Variants in TMPRSS5 observed in about 807,000 individuals in gnomAD.
TMPRSS5 encodes transmembrane protease serine 5.
TMPRSS5 carries 45 observed loss-of-function variants against 59.7 expected under a neutral mutation model. That is an observed-to-expected ratio of 0.75 (90% CI 0.59 to 0.97). TMPRSS5 has a LOEUF of 0.97. Ranked by LOEUF, TMPRSS5 falls within the 50% of genes least tolerant of loss-of-function variation. The pLI is 0.00. For synonymous variants in TMPRSS5, 225 were observed against 232.0 expected (o/e 0.97, Z 0.27); for missense variants, 585 against 596.7 (o/e 0.98, Z 0.20).
chr11:113,690,126 C>T, intron 11 of TMPRSS5, 105 bp downstream of exon 11: 1 of 1,437,288 alleles, frequency 7.0e-7, no homozygotes, highest in Non-Finnish European at 9.3e-7. Context: ...TGTCTCACAC[C>T]ACTGACAAGC....
At chr11:113,690,165 G>T in intron 11 of TMPRSS5, 66 bp downstream of exon 11, 1 of 1,407,278 alleles carries the variant, frequency 7.1e-7, no homozygotes, top group Non-Finnish European at 9.5e-7. Flanking sequence ...CCAAGTCACA[G>T]CAGGCCCCCT....
intron 11 of TMPRSS5, 55 bp downstream of exon 11, chr11:113,690,176 G>GGCCCACCC: frequency 2.6e-6 from 1 of 388,226 alleles, no homozygotes; most frequent in Non-Finnish European, 4.2e-6. Context: ...CAGGCCCCCT[G>GGCCCACCC]CCCTCCCACC....
At chr11:113,695,089 T>C (rs1038927654) in intron 7 of TMPRSS5, among the ~76,000 whole-genome samples, 2 of 152,128 alleles carry the variant, frequency 1.3e-5, no homozygotes, top group Non-Finnish European at 2.9e-5. Context: ...CAATAATAAT[T>C]TCACCTCTGG....
chr11:113,690,174 C>CCGGGGG, intron 11 of TMPRSS5, 57 bp downstream of exon 11: 1 of 770,516 alleles, frequency 1.3e-6, no homozygotes, highest in Non-Finnish European at 2.1e-6. Context: ...AGCAGGCCCC[C>CCGGGGG]TGCCCTCCCA....
intron 4 of TMPRSS5, among the ~76,000 whole-genome samples, chr11:113,697,957 C>G (rs965013014): frequency 6.6e-6 from 1 of 152,120 alleles, no homozygotes; most frequent in African/African-American, 2.4e-5. Context: ...GGAGACAGGG[C>G]CTTTAAGAAG....
At chr11:113,692,659 C>T (rs1425153223) in intron 9 of TMPRSS5, among the ~76,000 whole-genome samples, 1 of 152,206 alleles carries the variant, frequency 6.6e-6, no homozygotes, top group Non-Finnish European at 1.5e-5. Context: ...CTACCTGTTT[C>T]AACTATCTAT....
intron 1 of TMPRSS5, among the ~76,000 whole-genome samples, chr11:113,703,857 C>G (rs1437358218): frequency 2.0e-5 from 3 of 152,226 alleles, no homozygotes; most frequent in Non-Finnish European, 2.9e-5. Flanking sequence ...CTTCCCCAGC[C>G]ATGCAGAACT....
At position 113,687,789 on chromosome 11, in the gene TMPRSS5, CT is replaced by C. The variant is rs1355368377; in HGVS notation, c.*470del. 1.3e-5 allele frequency: 2 copies of C among 154,328 alleles called. No homozygotes were observed. The highest frequency in any genetic ancestry group is 2.9e-5 in the Non-Finnish European group (2 of 69,642). The allele number at this position is 154,328 out of a possible 1,614,324, so 9.6% of individuals were successfully genotyped here. A position where few individuals can be genotyped will look rare whatever the true frequency, so the allele number is the denominator to read the frequency against. On this transcript the variant is annotated 3_prime_UTR_variant, in exon 13 of 13. Coordinates refer to ENST00000299882, the MANE Select transcript of TMPRSS5 (RefSeq NM_030770.4). ...GCCTTGACCCCATCTGCCCAGGAGC[CT>C]CTCAGCCATGGAGTCCTCTAGGGAG...
chr11:113,703,938 C>G (rs1953211452), intron 1 of TMPRSS5, among the ~76,000 whole-genome samples: 1 of 152,176 alleles, frequency 6.6e-6, no homozygotes, highest in Non-Finnish European at 1.5e-5. Flanking sequence ...AGTGTGAGAA[C>G]AGACTAATAC....
chr11:113,700,363 C>T (rs948153282), intron 1 of TMPRSS5, among the ~76,000 whole-genome samples, 195 bp from the exon 2 acceptor site: 1 of 152,200 alleles, frequency 6.6e-6, no homozygotes, highest in African/African-American at 2.4e-5. Context: ...TCCTGGGGCC[C>T]CTAACCCCAA....
intron 1 of TMPRSS5, among the ~76,000 whole-genome samples, chr11:113,704,264 C>T (rs758059332): frequency 6.6e-6 from 1 of 152,188 alleles, no homozygotes; most frequent in African/African-American, 2.4e-5. Flanking sequence ...ACTTGGACAA[C>T]TCAGGCCATC....
rs1458879960 is a variant in TMPRSS5, at chr11:113,688,008, A to C, written c.*252T>G. The C allele has an allele frequency of 2.2e-6, 1 of 460,990 alleles. No individual in the cohort carries two copies. Among genetic ancestry groups the C allele is most frequent in the African/African-American group, 2.0e-5 (1 of 49,570 alleles). The allele number at this position is 460,990 out of a possible 1,614,324, so 28.6% of individuals were successfully genotyped here. ...ATCCCTCAGCAACCACAGCATGCCCAACCAAGTCCCAGCCTCTCTTCTGTC... is the reference window on the plus strand; with the variant it reads ...ATCCCTCAGCAACCACAGCATGCCCCACCAAGTCCCAGCCTCTCTTCTGTC... On this transcript the variant is annotated 3_prime_UTR_variant, in exon 13 of 13. Transcript: ENST00000299882.
chr11:113,694,418 C>T lies in TMPRSS5; in HGVS notation c.785+60G>A. On this transcript the variant is annotated intron_variant, in intron 8 of 12. Coordinates refer to ENST00000299882, the MANE Select transcript of TMPRSS5 (RefSeq NM_030770.4). ...CACGAACATTTGATACAGGACATACCAACAGCCGAACAGAAAGGGCAACTG... is the reference window on the plus strand; with the variant it reads ...CACGAACATTTGATACAGGACATACTAACAGCCGAACAGAAAGGGCAACTG... 3.3e-6 allele frequency: 5 copies of T among 1,532,222 alleles called. No homozygotes were observed. In the East Asian group the frequency reaches 1.2e-4, roughly 38 times the overall value. The allele number at this position is 1,532,222 out of a possible 1,614,324, so 94.9% of individuals were successfully genotyped here.
At chr11:113,690,967 C>T (rs1182046341) in intron 9 of TMPRSS5, 28 bp from the exon 10 acceptor site, 1 of 1,556,542 alleles carries the variant, frequency 6.4e-7, no homozygotes, top group Non-Finnish European at 8.7e-7. Context: ...GTCCTGGTCC[C>T]CAGTCAGGCT....
intron 1 of TMPRSS5, among the ~76,000 whole-genome samples, chr11:113,701,178 T>C (rs986388329): frequency 4.6e-5 from 7 of 152,230 alleles, no homozygotes; most frequent in Non-Finnish European, 8.8e-5. Context: ...GGTGCTGCTG[T>C]AAAGATACCT....
intron 9 of TMPRSS5, among the ~76,000 whole-genome samples, chr11:113,692,440 CTGTG>C (rs761734611): frequency 1.3e-5 from 2 of 152,242 alleles, no homozygotes; most frequent in Non-Finnish European, 2.9e-5. Context: ...GTGCACATGA[CTGTG>C]TGAGTGCATG....
intron 3 of TMPRSS5, among the ~76,000 whole-genome samples, chr11:113,699,293 GTCTC>G (rs1183571994): frequency 1.2e-4 from 5 of 41,578 alleles, no homozygotes; most frequent in African/African-American, 5.7e-4. Context: ...CTCTCTCTCT[GTCTC>G]TCTCTCTCTC....
At chr11:113,699,126 C>A in intron 3 of TMPRSS5, 99 bp from the exon 4 acceptor site, 1 of 1,369,340 alleles carries the variant, frequency 7.3e-7, no homozygotes, top group East Asian at 2.5e-5. Context: ...AGCTCCCCAA[C>A]CAACCTGCTG....
rs954505617 is a variant in TMPRSS5, at chr11:113,700,857, C to T, written c.4-689G>A. On this transcript the variant is annotated intron_variant, in intron 1 of 12. Coordinates refer to ENST00000299882, the MANE Select transcript of TMPRSS5 (RefSeq NM_030770.4). The stretch of plus-strand genomic sequence containing the variant: ...ATCCAAATTGTAATCCCCATATGTT[C>T]GGGTAGGGACCTTGTGGGAGGTGAT... Among the ~76,000 whole-genome samples, 4 of 152,152 alleles carry T rather than the reference C, an allele frequency of 2.6e-5. No homozygotes were observed. In the East Asian group the frequency reaches 5.8e-4, roughly 22 times the overall value.
Sources: gnomAD v4.1 joint callset for allele counts (sites outside exome capture counted in the v4.1 genomes callset) on GRCh38, gnomAD v4.1.1 for gene constraint, MANE v1.5 for transcripts, NCBI Gene and HGNC (gene_info 2026-07-23, HGNC 2026-07-21) for gene names.